The following PDE7B variants were observed in gnomAD, a reference collection of about 807,000 sequenced individuals.
PDE7B encodes phosphodiesterase 7B.
In PDE7B, 29 loss-of-function variants were observed where a neutral mutation model predicts 56.2. That is an observed-to-expected ratio of 0.52 (90% CI 0.38 to 0.70). The LOEUF is 0.70. Ranked by LOEUF, PDE7B falls within the 30% of genes least tolerant of loss-of-function variation. PDE7B has a pLI of 0.00. For synonymous variants in PDE7B, 197 were observed against 196.9 expected (o/e 1.00, Z 0.00); for missense variants, 490 against 565.0 (o/e 0.87, Z 1.35).
chr6:136,149,616 G>A (rs1046418099), intron 5 of PDE7B, among the ~76,000 whole-genome samples: 7 of 152,186 alleles, frequency 4.6e-5, no homozygotes, highest in African/African-American at 1.2e-4. Context: ...AACAATTGCC[G>A]AGGAAAGAAT....
At chr6:136,033,650 T>C (rs1776280357) in intron 2 of PDE7B, among the ~76,000 whole-genome samples, 1 of 152,214 alleles carries the variant, frequency 6.6e-6, no homozygotes, top group South Asian at 2.1e-4. Flanking sequence ...ACAATGGAAA[T>C]ATGTGCTGCC....
intron 3 of PDE7B, among the ~76,000 whole-genome samples, chr6:136,117,754 C>T (rs1777864595): frequency 6.6e-6 from 1 of 152,084 alleles, no homozygotes. Context: ...GGTCCCCAGG[C>T]TATAGGTCTC....
chr6:135,944,841 C>A (rs747494245), intron 1 of PDE7B, among the ~76,000 whole-genome samples: 16 of 152,174 alleles, frequency 1.1e-4, no homozygotes, highest in Non-Finnish European at 2.1e-4. Flanking sequence ...CCCATCAACC[C>A]CTGCCCCTAG....
intron 1 of PDE7B, among the ~76,000 whole-genome samples, chr6:135,858,157 T>C (rs1775073191): frequency 6.6e-6 from 1 of 152,126 alleles, no homozygotes. Context: ...ATTACTATTT[T>C]TTTGTTTGTT....
intron 1 of PDE7B, among the ~76,000 whole-genome samples, chr6:135,870,326 T>C (rs536197037): frequency 6.6e-6 from 1 of 152,240 alleles, no homozygotes; most frequent in Admixed American, 6.5e-5. Context: ...CTCTGCCCCC[T>C]ATCAGCTTTG....
chr6:135,996,478 C>T (rs916377212), intron 2 of PDE7B, among the ~76,000 whole-genome samples: 35 of 152,098 alleles, frequency 2.3e-4, no homozygotes, highest in African/African-American at 7.7e-4. Context: ...AACATAATAC[C>T]GTATTAGTTT....
intron 3 of PDE7B, among the ~76,000 whole-genome samples, chr6:136,131,711 A>G (rs1778121915): frequency 6.6e-6 from 1 of 152,136 alleles, no homozygotes; most frequent in South Asian, 2.1e-4. Context: ...ATGTGTTTTC[A>G]ATTTTAAAAC....
intron 2 of PDE7B, among the ~76,000 whole-genome samples, chr6:136,057,743 A>C (rs1305043541): frequency 6.6e-6 from 1 of 152,052 alleles, no homozygotes; most frequent in East Asian, 1.9e-4. Context: ...ATCTGCTCAC[A>C]GTTTTTTGTT....
chr6:135,938,518 C>A (rs1774457709), intron 1 of PDE7B, among the ~76,000 whole-genome samples: 1 of 152,164 alleles, frequency 6.6e-6, no homozygotes, highest in South Asian at 2.1e-4. Context: ...CTGGGTGCAC[C>A]AGAGATCGCA....
chr6:135,903,726 G>C (rs1046804061), intron 1 of PDE7B, among the ~76,000 whole-genome samples: 1 of 152,126 alleles, frequency 6.6e-6, no homozygotes, highest in African/African-American at 2.4e-5. Flanking sequence ...CCTTTTTAAA[G>C]TGGTAATAAA....
chr6:136,143,210 C>T (rs1415314127), intron 3 of PDE7B, among the ~76,000 whole-genome samples: 1 of 151,894 alleles, frequency 6.6e-6, no homozygotes, highest in Non-Finnish European at 1.5e-5. Context: ...GTTTTTTAAA[C>T]ACCATCTGAG....
chr6:136,048,250 G>A (rs188838046), intron 2 of PDE7B, among the ~76,000 whole-genome samples: 165 of 152,284 alleles, frequency 1.1e-3, no homozygotes, highest in Non-Finnish European at 1.4e-3. Context: ...TGGGCTGGGC[G>A]CGGTGGCTCA....
chr6:135,860,343 A>G (rs969743188), intron 1 of PDE7B, among the ~76,000 whole-genome samples: 2 of 152,090 alleles, frequency 1.3e-5, no homozygotes, highest in Non-Finnish European at 2.9e-5. Flanking sequence ...AATACACAAA[A>G]TATAAAAATG....
Position 135,866,729 on chromosome 6 carries a change from T to G in PDE7B, c.21+14710T>G, listed in dbSNP as rs113779184. Among the ~76,000 whole-genome samples the G allele has an allele frequency of 3.4e-3, 519 of 152,334 alleles. 4 individuals are homozygous for G. The highest frequency in any genetic ancestry group is 4.9e-3 in the Non-Finnish European group (330 of 68,026). ...TCATTATCTAAATTGTTTCACAGTT[T>G]ACAGTTCTGTACAAGCTAATGTCTC... is the stretch of plus-strand genomic sequence containing the variant. On this transcript the variant is annotated intron_variant, in intron 1 of 12. Transcript: ENST00000308191.
chr6:135,891,878 G>T (rs1041001287), intron 1 of PDE7B, among the ~76,000 whole-genome samples: 2 of 152,042 alleles, frequency 1.3e-5, no homozygotes, highest in African/African-American at 4.8e-5. Context: ...GCTTGAGGAA[G>T]GAAGAGAGCA....
At chr6:136,134,795 G>A (rs1778183438) in intron 3 of PDE7B, among the ~76,000 whole-genome samples, 1 of 147,466 alleles carries the variant, frequency 6.8e-6, no homozygotes, top group African/African-American at 2.5e-5. Context: ...AAATCCGTGT[G>A]TTGCATGGTT....
chr6:136,103,063 CTA>C (rs1264914698), intron 2 of PDE7B, among the ~76,000 whole-genome samples: 5 of 152,206 alleles, frequency 3.3e-5, no homozygotes, highest in Non-Finnish European at 7.3e-5. Flanking sequence ...TTCTGGACGA[CTA>C]ACTCCTGGTT....
intron 1 of PDE7B, among the ~76,000 whole-genome samples, chr6:135,871,772 T>C (rs1775385388): frequency 6.6e-6 from 1 of 150,514 alleles, no homozygotes; most frequent in Non-Finnish European, 1.5e-5. Flanking sequence ...GATAGGTGTA[T>C]ACACACACAC....
intron 1 of PDE7B, among the ~76,000 whole-genome samples, chr6:135,933,026 T>C (rs1774322014): frequency 6.6e-6 from 1 of 152,158 alleles, no homozygotes; most frequent in African/African-American, 2.4e-5. Flanking sequence ...GTTATCTCAT[T>C]TGATCTCTTA....
Sources: gnomAD v4.1 joint callset for allele counts (sites outside exome capture counted in the v4.1 genomes callset) on GRCh38, gnomAD v4.1.1 for gene constraint, MANE v1.5 for transcripts, NCBI Gene and HGNC (gene_info 2026-07-23, HGNC 2026-07-21) for gene names.